Variants in ATP6V1B2 observed in about 807,000 individuals in gnomAD.
The protein encoded by ATP6V1B2 is V-type proton ATPase subunit B, brain isoform.
ATP6V1B2 carries 23 observed loss-of-function variants against 66.7 expected under a neutral mutation model. That is an observed-to-expected ratio of 0.34 (90% CI 0.25 to 0.49). The LOEUF (loss-of-function observed/expected upper bound fraction) is 0.49, where lower values mean the gene tolerates loss of function less well. Ranked by LOEUF, ATP6V1B2 falls within the 20% of genes least tolerant of loss-of-function variation. The probability of loss-of-function intolerance (pLI) is 0.99; values close to 1 mark genes in which losing one functional copy is unlikely to be tolerated. For synonymous variants in ATP6V1B2, 278 were observed against 236.7 expected, an observed-to-expected ratio of 1.17 and a Z score of -1.60; for missense variants, 478 against 650.8, an observed-to-expected ratio of 0.73 and a Z score of 2.89.
intron 2 of ATP6V1B2, among the ~76,000 whole-genome samples, chr8:20,207,400 T>A: frequency 6.6e-6 from 1 of 152,066 alleles, no homozygotes; most frequent in East Asian, 1.9e-4. Context: ...ATAAAATTAG[T>A]TACCAAAATT....
At chr8:20,211,536 C>A (rs558294549) in intron 6 of ATP6V1B2, 116 bp from the exon 7 acceptor site, 1 of 1,299,026 alleles carries the variant, frequency 7.7e-7, no homozygotes, top group Non-Finnish European at 1.1e-6. Flanking sequence ...AATGAATACC[C>A]TAAAACATCC....
chr8:20,213,525 A>T (rs1475800853), intron 9 of ATP6V1B2: 1 of 153,292 alleles, frequency 6.5e-6, no homozygotes, highest in South Asian at 2.0e-4. Flanking sequence ...TGGCACACAC[A>T]CTTGTAATCC....
In ATP6V1B2 at chr8:20,218,137, C is replaced by T; in HGVS notation, c.1267-16C>T. 1 of 1,610,540 alleles carries T rather than the reference C, an allele frequency of 6.2e-7. No individual in the cohort carries two copies. Among genetic ancestry groups the T allele is most frequent in the Non-Finnish European group, 8.5e-7 (1 of 1,178,180 alleles). On this transcript the variant is annotated splice_polypyrimidine_tract_variant and intron_variant, in intron 12 of 13. Coordinates refer to ENST00000276390, the MANE Select transcript of ATP6V1B2 (RefSeq NM_001693.4). ...GAGAGCTTCTCTCTGCTGATGGGTG[C>T]CTTTCTTCTCTTTAGTATGCGTGCT...
intron 11 of ATP6V1B2, 200 bp downstream of exon 11, chr8:20,216,695 C>T (rs1181335601): frequency 2.1e-6 from 1 of 478,560 alleles, no homozygotes; most frequent in African/African-American, 2.0e-5. Flanking sequence ...CTTCTTAACA[C>T]TTTCCTTTAT....
chr8:20,215,253 A>C (rs1414368758), intron 10 of ATP6V1B2: 1 of 221,246 alleles, frequency 4.5e-6, no homozygotes, highest in East Asian at 1.1e-4. Context: ...TTTTGAAAAG[A>C]ATTTATGGTC....
chr8:20,197,509 G>T lies in ATP6V1B2; in HGVS notation c.103G>T (p.Val35Phe). The change falls in exon 1 of 14, where the codon GTC (valine) becomes TTC (phenylalanine). Residue 35 changes from valine to phenylalanine, a missense_variant. This residue lies in a region of ATP6V1B2 where 152 missense variants were observed against 105.2 expected (regional missense o/e 1.44). Transcript: ENST00000276390. ...GGGAGCTCGGGAGCAGGCGCTGGCAGTCAGTCGGAACTACCTCTCCCAGCC... is the reference window on the plus strand; with the variant it reads ...GGGAGCTCGGGAGCAGGCGCTGGCATTCAGTCGGAACTACCTCTCCCAGCC... ...AVGAREQALA[V>F]SRNYLSQPRL... 1 of 1,487,026 alleles carries T rather than the reference G, an allele frequency of 6.7e-7. No individual in the cohort carries two copies. The highest frequency in any genetic ancestry group is 9.0e-7 in the Non-Finnish European group (1 of 1,116,710). 92.1% of individuals were successfully genotyped at this position (1,487,026 alleles called of 1,614,324 possible). A position where few individuals can be genotyped will look rare whatever the true frequency, so the allele number is the denominator to read the frequency against.
chr8:20,213,616 C>T (rs1363095831), intron 9 of ATP6V1B2: 3 of 152,254 alleles, frequency 2.0e-5, no homozygotes, highest in African/African-American at 7.2e-5. Flanking sequence ...TGTGCCACTG[C>T]CCTCCAGTCT....
At chr8:20,203,080 A>C (rs899811249) in intron 1 of ATP6V1B2, among the ~76,000 whole-genome samples, 5 of 152,204 alleles carry the variant, frequency 3.3e-5, no homozygotes, top group African/African-American at 9.7e-5. Context: ...TGGTTTTCAT[A>C]AAAGTGGCAG....
At chr8:20,204,007 A>G (rs2072713388) in intron 1 of ATP6V1B2, 2 of 456,084 alleles carry the variant, frequency 4.4e-6, no homozygotes, top group African/African-American at 2.0e-5. Context: ...ACTTCTGCGT[A>G]ACATTAAGGA....
chr8:20,217,351 T>C (rs777293153), intron 12 of ATP6V1B2, 27 bp downstream of exon 12: 1 of 1,558,020 alleles, frequency 6.4e-7, no homozygotes, highest in Non-Finnish European at 8.9e-7. Context: ...AAGAATGGTG[T>C]TTGAAAATAT....
At position 20,216,397 on chromosome 8, in the gene ATP6V1B2, T is replaced by C; in HGVS notation, c.1079-16T>C. ...TAAAGATGCCATGCTTAATGCCAAC[T>C]GTCTTCCTCTGGTAGATATCACTCA... On this transcript the variant is annotated splice_polypyrimidine_tract_variant and intron_variant, in intron 10 of 13. Coordinates refer to ENST00000276390, the MANE Select transcript of ATP6V1B2 (RefSeq NM_001693.4). The C allele has an allele frequency of 6.2e-7, 1 of 1,603,474 alleles. No individual in the cohort carries two copies. The highest frequency in any genetic ancestry group is 1.1e-5 in the South Asian group (1 of 90,790).
At chr8:20,216,979 C>T (rs1285123190) in intron 11 of ATP6V1B2, 1 of 475,482 alleles carries the variant, frequency 2.1e-6, no homozygotes, top group East Asian at 3.6e-5. Context: ...TTAAAATAGT[C>T]TTGTACAGTG....
intron 5 of ATP6V1B2, 50 bp downstream of exon 5, chr8:20,210,696 T>C: frequency 1.3e-6 from 2 of 1,526,380 alleles, no homozygotes; most frequent in Non-Finnish European, 9.1e-7. Context: ...AACCTCACTC[T>C]GTCTTGTACC....
At position 20,210,556 on chromosome 8, in the gene ATP6V1B2, T is replaced by C. The variant is rs111365772; in HGVS notation, c.386-13T>C. ...CAGCATCTACTCTGTCCTGTCTTCTTACTGATTTCTAGGTCGGGTATTCAA... is the reference window on the plus strand; with the variant it reads ...CAGCATCTACTCTGTCCTGTCTTCTCACTGATTTCTAGGTCGGGTATTCAA... On this transcript the variant is annotated splice_polypyrimidine_tract_variant and intron_variant, in intron 4 of 13. Transcript: ENST00000276390. 1,350 of 1,613,520 alleles carry C rather than the reference T, an allele frequency of 8.4e-4. 14 individuals carry two copies. In the African/African-American group the frequency reaches 0.016, roughly 19 times the overall value.
chr8:20,218,397 G>C, intron 13 of ATP6V1B2, 115 bp downstream of exon 13: 3 of 1,370,022 alleles, frequency 2.2e-6, no homozygotes, highest in Non-Finnish European at 2.9e-6. Context: ...TCTGGTTAGA[G>C]AAGAGGCTCT....
At chr8:20,208,708 T>A (rs1354423017) in intron 2 of ATP6V1B2, among the ~76,000 whole-genome samples, 1 of 126,192 alleles carries the variant, frequency 7.9e-6, no homozygotes, top group African/African-American at 2.8e-5. Flanking sequence ...TTAGTAACTT[T>A]CTTTTTTTTT....
chr8:20,204,524 C>T lies in ATP6V1B2; in HGVS notation c.177C>T (p.Ile59=). Residue 59 remains isoleucine (I), a synonymous_variant, in exon 2 of 14, where the codon ATC becomes ATT. Coordinates refer to ENST00000276390, the MANE Select transcript of ATP6V1B2 (RefSeq NM_001693.4). Reference sequence around the variant, plus strand: ...CTGGAGTCAATGGTCCACTAGTGATCTTAGATCATGTTAAGGTAATACCAC... The same window carrying T: ...CTGGAGTCAATGGTCCACTAGTGATTTTAGATCATGTTAAGGTAATACCAC... ...TVSGVNGPLV[I]LDHVKFPRYA... The T allele has an allele frequency of 6.2e-7, 1 of 1,612,174 alleles. No individual in the cohort carries two copies. The highest frequency in any genetic ancestry group is 8.5e-7 in the Non-Finnish European group (1 of 1,178,434).
chr8:20,205,457 C>T (rs1021354025), intron 2 of ATP6V1B2, among the ~76,000 whole-genome samples: 1 of 151,950 alleles, frequency 6.6e-6, no homozygotes, highest in Non-Finnish European at 1.5e-5. Flanking sequence ...AGTTAGGGTG[C>T]TGTGAAAGAT....
rs75241163 is a variant in ATP6V1B2 at position 20,217,109 on chromosome 8, G to A, written c.1162-111G>A. 61 of 870,284 alleles carry A rather than the reference G, an allele frequency of 7.0e-5. No homozygotes were observed. The Middle Eastern group carries it at 2.1e-3, about 30-fold the overall frequency. The allele number at this position is 870,284 out of a possible 1,614,324, so 53.9% of individuals were successfully genotyped here. ...GATTCATCTAGGAGACAAATGCAGC[G>A]GTTGTCTTTGATTTAAGTTGTAATA... On this transcript the variant is annotated intron_variant, in intron 11 of 13. Coordinates refer to ENST00000276390, the MANE Select transcript of ATP6V1B2 (RefSeq NM_001693.4).
Sources: allele counts gnomAD v4.1 joint callset (sites outside exome capture counted in the v4.1 genomes callset), GRCh38; gene constraint gnomAD v4.1.1; regional missense constraint gnomAD v4.1.1; transcripts MANE v1.5; gene names NCBI Gene and HGNC (gene_info 2026-07-23, HGNC 2026-07-21).